DNAH3: variants seen among roughly 807,000 people sequenced by gnomAD.
DNAH3 encodes axonemal beta dynein heavy chain 3.
In DNAH3, 332 loss-of-function variants were observed where a neutral mutation model predicts 432.5. That is an observed-to-expected ratio of 0.77 (90% CI 0.70 to 0.84). The LOEUF (loss-of-function observed/expected upper bound fraction) is 0.84, where lower values mean the gene tolerates loss of function less well. DNAH3 is among the 40% of genes least tolerant of loss of function. DNAH3 has a pLI of 0.00. For synonymous variants in DNAH3, 1,956 were observed against 1,900.2 expected (o/e 1.03, Z -0.76); for missense variants, 4,861 against 5,114.0 (o/e 0.95, Z 1.51).
intron 36 of DNAH3, 58 bp downstream of exon 36, chr16:21,033,916 G>C (rs1345783182): frequency 7.9e-7 from 1 of 1,259,036 alleles, no homozygotes; most frequent in Admixed American, 1.8e-5. Flanking sequence ...TCTCCATGGA[G>C]CCAGCCAACT....
In DNAH3 at chr16:21,019,887, GA is replaced by G; in HGVS notation, c.5777-19del. ...GATTTCATCTAAAAGTGAGAAAAGC[GA>G]ATCTCAGGACAGAGTGCAGAATGCC... On this transcript the variant is annotated intron_variant, in intron 40 of 61. Transcript: ENST00000261383. 1.2e-6 allele frequency: 2 copies of G among 1,612,662 alleles called. No individual in the cohort carries two copies. The highest frequency in any genetic ancestry group is 2.2e-5 in the South Asian group (2 of 90,802).
chr16:20,936,943 GTTAA>G, intron 59 of DNAH3, 90 bp from the exon 60 acceptor site: 1 of 987,880 alleles, frequency 1.0e-6, no homozygotes, highest in South Asian at 1.6e-5. Context: ...TAAAATGTCA[GTTAA>G]TTAATGCACA....
intron 35 of DNAH3, among the ~76,000 whole-genome samples, chr16:21,036,028 A>G (rs1403075591): frequency 6.6e-6 from 1 of 152,194 alleles, no homozygotes; most frequent in African/African-American, 2.4e-5. Context: ...AGGACTGAGG[A>G]TAAAAGAGGT....
At chr16:20,951,435 C>T (rs1024631824) in intron 56 of DNAH3, among the ~76,000 whole-genome samples, 1 of 151,044 alleles carries the variant, frequency 6.6e-6, no homozygotes, top group African/African-American at 2.4e-5. Context: ...GAACTTATTA[C>T]TATGTTACCT....
At chr16:20,959,353 G>A in exon 54 of DNAH3, 1 of 1,614,214 alleles carries the variant, frequency 6.2e-7, no homozygotes, top group Non-Finnish European at 8.5e-7. Flanking sequence ...AAGGGAGATG[G>A]TCTGTGTTCT....
At chr16:21,094,995 C>T (rs1345426886) in intron 18 of DNAH3, among the ~76,000 whole-genome samples, 1 of 152,126 alleles carries the variant, frequency 6.6e-6, no homozygotes, top group Non-Finnish European at 1.5e-5. Context: ...ACTGTGAGTT[C>T]ATTAAACTTC....
intron 18 of DNAH3, among the ~76,000 whole-genome samples, chr16:21,094,832 G>T (rs1597365954): frequency 6.6e-6 from 1 of 152,124 alleles, no homozygotes; most frequent in East Asian, 1.9e-4. Context: ...TTCCCATGCT[G>T]TTCTCATGAT....
intron 44 of DNAH3, among the ~76,000 whole-genome samples, chr16:20,990,999 C>T (rs558300211): frequency 2.0e-5 from 3 of 152,090 alleles, no homozygotes; most frequent in African/African-American, 7.2e-5. Flanking sequence ...CCAGCCTGAG[C>T]GACAGAGCGA....
intron 16 of DNAH3, among the ~76,000 whole-genome samples, chr16:21,101,846 C>T (rs1285411123): frequency 1.3e-5 from 2 of 152,136 alleles, no homozygotes; most frequent in Admixed American, 1.3e-4. Context: ...TGGACAGGGC[C>T]CAGCCCGGAT....
chr16:21,006,330 T>G (rs1317829614), intron 41 of DNAH3, among the ~76,000 whole-genome samples: 1 of 152,244 alleles, frequency 6.6e-6, no homozygotes, highest in Non-Finnish European at 1.5e-5. Flanking sequence ...TCACTTCATC[T>G]ACAAACTTTC....
rs2084981229 is a variant in DNAH3 at position 20,964,836 on chromosome 16, A to C, written c.9048T>G (p.Tyr3016Ter). ...ACCACTGATTTTGGCACTGGACCCG[A>C]TAATCCACTGTAAAAGCGCCCAGGT... The change falls in exon 53 of 62, where the codon TAT becomes TAG. Residue 3016 changes from tyrosine to a stop codon, truncating the protein, a stop_gained. Transcript: ENST00000261383. LOFTEE classifies it high-confidence loss of function. The C allele has an allele frequency of 6.2e-7, 1 of 1,613,988 alleles. No homozygotes were observed. The highest frequency in any genetic ancestry group is 8.5e-7 in the Non-Finnish European group (1 of 1,180,038).
intron 38 of DNAH3, among the ~76,000 whole-genome samples, chr16:21,026,243 T>C (rs1034332893): frequency 1.3e-5 from 2 of 152,152 alleles, no homozygotes; most frequent in Non-Finnish European, 2.9e-5. Context: ...ACTTGCTGGG[T>C]TTTAGACTCC....
chr16:20,944,520 T>A, exon 58 of DNAH3: 1 of 1,614,176 alleles, frequency 6.2e-7, no homozygotes, highest in South Asian at 1.1e-5. Context: ...CACTTCCTCC[T>A]GACTGTCTAG....
rs772221618 is a variant in DNAH3, at chr16:20,963,960, G to A, written c.9924C>T (p.Ile3308=). 1.9e-5 allele frequency: 31 copies of A among 1,614,048 alleles called. No homozygotes were observed. The Admixed American group carries it at 4.5e-4, about 23-fold the overall frequency. Residue 3308 remains isoleucine (I), a synonymous_variant, in exon 53 of 62, where the codon ATC becomes ATT. Transcript: ENST00000261383. ...TCGGCTCGATGTTGGCCAGGTCCGA[G>A]ATACAAAAGAAGATGGTGGCAGAAT... is the stretch of plus-strand genomic sequence containing the variant.
intron 12 of DNAH3, 38 bp from the exon 13 acceptor site, chr16:21,112,136 A>T (rs931418300): frequency 7.1e-7 from 1 of 1,404,358 alleles, no homozygotes; most frequent in African/African-American, 1.4e-5. Context: ...ACACACAAAT[A>T]TAAGTCAACC....
Position 21,057,729 on chromosome 16 carries a change from G to A in DNAH3, c.3924+357C>T, listed in dbSNP as rs561489092. 2.6e-5 allele frequency among the ~76,000 whole-genome samples: 4 copies of A among 152,268 alleles called. No individual in the cohort carries two copies. The East Asian group carries it at 7.7e-4, about 29-fold the overall frequency. ...GAGTAGGGGTGATGAGAAGGAGGCT[G>A]TAAAGGAGAAGGAGAGGCAGATGGT... On this transcript the variant is annotated intron_variant, in intron 27 of 61. Transcript: ENST00000261383.
chr16:21,040,857 T>C (rs1597215803), intron 32 of DNAH3, among the ~76,000 whole-genome samples: 1 of 152,220 alleles, frequency 6.6e-6, no homozygotes, highest in East Asian at 1.9e-4. Flanking sequence ...GTGTTCAGTA[T>C]GCACCAGCTA....
At chr16:21,008,548 A>G (rs949696342) in intron 41 of DNAH3, among the ~76,000 whole-genome samples, 4 of 152,144 alleles carry the variant, frequency 2.6e-5, no homozygotes, top group African/African-American at 9.7e-5. Context: ...CACGCAGCAT[A>G]GGGTTCTGGA....
rs749426807 is a variant in DNAH3, at chr16:21,019,586, C to T, written c.6022+38G>A. Reference sequence around the variant, plus strand: ...TTGTGTTTAGAACACGTAATTCCAACTATTATACTAGAACATAACAAACAG... The same window carrying T: ...TTGTGTTTAGAACACGTAATTCCAATTATTATACTAGAACATAACAAACAG... On this transcript the variant is annotated intron_variant, in intron 41 of 61. Coordinates refer to ENST00000261383, the Ensembl canonical transcript of DNAH3. 1.9e-6 allele frequency: 3 copies of T among 1,609,106 alleles called. No individual in the cohort carries two copies. The Admixed American group carries it at 5.0e-5, about 27-fold the overall frequency.
Sources: gnomAD v4.1 joint callset for allele counts (sites outside exome capture counted in the v4.1 genomes callset) on GRCh38, gnomAD v4.1.1 for gene constraint, MANE v1.5 for transcripts, NCBI Gene and HGNC (gene_info 2026-07-23, HGNC 2026-07-21) for gene names.